ASPSCR1: variants seen among roughly 807,000 people sequenced by gnomAD.
ASPSCR1 encodes ASPSCR1 tether for SLC2A4, UBX domain containing.
ASPSCR1 carries 55 observed loss-of-function variants against 68.9 expected under a neutral mutation model. The observed-to-expected ratio is 0.80, with a 90% CI of 0.64 to 1.00. The LOEUF (loss-of-function observed/expected upper bound fraction) is 1.00. ASPSCR1 is among the 50% of genes least tolerant of loss of function. The pLI, the probability that ASPSCR1 is intolerant of heterozygous loss-of-function variation, is 0.00. For synonymous variants in ASPSCR1, 352 were observed against 332.6 expected, an observed-to-expected ratio of 1.06 and a Z score of -0.63; for missense variants, 765 against 762.2, an observed-to-expected ratio of 1.00 and a Z score of -0.04.
intron 9 of ASPSCR1, 96 bp downstream of exon 9, chr17:82,009,663 G>A (rs1157636574): frequency 4.3e-6 from 4 of 939,136 alleles, no homozygotes; most frequent in Non-Finnish European, 6.3e-6. Flanking sequence ...GCACAGCTCT[G>A]AGCGGGCCCC....
chr17:82,014,864 G>C (rs907868197), intron 12 of ASPSCR1: 6 of 639,060 alleles, frequency 9.4e-6, no homozygotes, highest in Non-Finnish European at 1.6e-5. Flanking sequence ...CGGCAGCTAG[G>C]GAGGGGCCGG....
intron 7 of ASPSCR1, among the ~76,000 whole-genome samples, chr17:82,000,853 A>G: frequency 6.6e-6 from 1 of 151,940 alleles, no homozygotes. Flanking sequence ...ACTGGCTGGG[A>G]GGCTGCCCTG....
At chr17:82,008,915 C>T (rs1348165405) in intron 7 of ASPSCR1, 122 bp from the exon 8 acceptor site, 6 of 1,336,122 alleles carry the variant, frequency 4.5e-6, no homozygotes, top group East Asian at 2.8e-5. Flanking sequence ...CTGGCCGGGG[C>T]CAGGGAGGGA....
chr17:81,998,371 C>T (rs2042424852), intron 7 of ASPSCR1, among the ~76,000 whole-genome samples: 1 of 152,136 alleles, frequency 6.6e-6, no homozygotes, highest in African/African-American at 2.4e-5. Context: ...TGGTTTCTGT[C>T]GGGGCCTCTG....
intron 5 of ASPSCR1, 43 bp from the exon 6 acceptor site, chr17:81,995,949 G>A (rs754072647): frequency 4.4e-6 from 7 of 1,588,702 alleles, no homozygotes. Context: ...GGGCTCTGGG[G>A]TCCCGGTGCA....
In ASPSCR1 at chr17:81,987,039, C is replaced by T. The variant is rs961252276; in HGVS notation, c.374+1432C>T. ...GAGCCTAAGAGCAAAGCCAAAGCCA[C>T]GGGCAGGGGTGAGCGGGACCCGAGG... On this transcript the variant is annotated intron_variant, in intron 4 of 15. Coordinates refer to ENST00000306739, the MANE Select transcript of ASPSCR1 (RefSeq NM_024083.4). This position sits in a 1 kb window ranked among gnomAD's most constrained non-coding sequence, Gnocchi z 5.6. Among the ~76,000 whole-genome samples the T allele has an allele frequency of 6.6e-5, 10 of 151,946 alleles. No homozygotes were observed. The highest frequency in any genetic ancestry group is 7.3e-5 in the African/African-American group (3 of 41,320).
At chr17:82,000,373 A>G (rs1348509453) in intron 7 of ASPSCR1, among the ~76,000 whole-genome samples, 2 of 152,088 alleles carry the variant, frequency 1.3e-5, no homozygotes, top group Non-Finnish European at 2.9e-5. Context: ...CCTGGCCTGC[A>G]TGGCGTGCTG....
Position 82,009,532 on chromosome 17 carries a change from G to A in ASPSCR1, c.1135G>A (p.Ala379Thr). The A allele has an allele frequency of 3.8e-6, 6 of 1,587,234 alleles. No homozygotes were observed. Among genetic ancestry groups the A allele is most frequent in the Non-Finnish European group, 5.1e-6 (6 of 1,166,998 alleles). The stretch of plus-strand genomic sequence containing the variant: ...CTTGGTGACCAAGGCCTTCAGGGAG[G>A]CGCAGATAAAGGAGAAGCTGGAGCG... ...APLVTKAFRE[A>T]QIKEKLERYP... Residue 379 changes from alanine (A) to threonine (T), a missense_variant, in exon 9 of 16, where the codon GCG becomes ACG. Physicochemically the swap from Ala to Thr is moderately conservative, Grantham distance 58. Transcript: ENST00000306739.
At position 82,017,085 on chromosome 17, in the gene ASPSCR1, CAAG is replaced by C. The variant is rs767189813; in HGVS notation, c.1621_1623del (p.Lys541del). On this transcript the variant is annotated inframe_deletion, in exon 15 of 16. Coordinates refer to ENST00000306739, the MANE Select transcript of ASPSCR1 (RefSeq NM_024083.4). ...CCCAGCCCGTGAAGAGGAGCCTGGG[CAAG>C]GTGCCCAAGTGGCTGAAGCTGCCGG... The C allele has an allele frequency of 7.5e-6, 12 of 1,603,376 alleles. No individual in the cohort carries two copies. Among genetic ancestry groups the C allele is most frequent in the Non-Finnish European group, 1.0e-5 (12 of 1,176,180 alleles).
At chr17:81,985,174 C>G (rs778459351) in intron 3 of ASPSCR1, among the ~76,000 whole-genome samples, 6 of 150,542 alleles carry the variant, frequency 4.0e-5, no homozygotes, top group Non-Finnish European at 8.9e-5. Context: ...CTGCACACAC[C>G]CACACACCAA....
intron 1 of ASPSCR1, chr17:81,978,594 C>G (rs1007921353): frequency 1.3e-5 from 2 of 152,666 alleles, no homozygotes; most frequent in East Asian, 3.9e-4. Flanking sequence ...CGAAGGTGCA[C>G]ACGACTCGGA....
chr17:82,012,444 G>C (rs561460429), intron 12 of ASPSCR1, among the ~76,000 whole-genome samples, 161 bp downstream of exon 12: 2 of 152,214 alleles, frequency 1.3e-5, no homozygotes, highest in Non-Finnish European at 2.9e-5. Flanking sequence ...GTGCGCCTCT[G>C]AAGTTGCTTC....
In ASPSCR1 at chr17:82,010,883, G is replaced by T; in HGVS notation, c.1237+15G>T. 1 of 1,609,994 alleles carries T rather than the reference G, an allele frequency of 6.2e-7. No individual in the cohort carries two copies. The highest frequency in any genetic ancestry group is 1.1e-5 in the South Asian group (1 of 91,046). ...CAGCGAGACAGGTGGGCAGCGCTGT[G>T]GGGTGTCCGGGGATGGGGGGCAGGG... is the stretch of plus-strand genomic sequence containing the variant. On this transcript the variant is annotated intron_variant, in intron 10 of 15. Transcript: ENST00000306739.
chr17:82,015,177 G>A (rs774319865), intron 12 of ASPSCR1: 3 of 1,598,310 alleles, frequency 1.9e-6, no homozygotes, highest in Non-Finnish European at 2.5e-6. Flanking sequence ...AGGAGATGGA[G>A]GCGACGTGGA....
At position 81,977,758 on chromosome 17, in the gene ASPSCR1, C is replaced by G. The variant is rs1480008071; in HGVS notation, c.102+10C>G. 2.4e-6 allele frequency: 3 copies of G among 1,225,910 alleles called. No homozygotes were observed. The highest frequency in any genetic ancestry group is 3.1e-6 in the Non-Finnish European group (3 of 982,864). 75.9% of individuals were successfully genotyped at this position (1,225,910 alleles called of 1,614,324 possible). A position where few individuals can be genotyped will look rare whatever the true frequency, so the allele number is the denominator to read the frequency against. The stretch of plus-strand genomic sequence containing the variant: ...CACCGTGCTGCTTCAGGTGCGGCCG[C>G]CCGCCCGGGGCGGACGGGTAGGCGG... On this transcript the variant is annotated intron_variant, in intron 1 of 15. Coordinates refer to ENST00000306739, the MANE Select transcript of ASPSCR1 (RefSeq NM_024083.4). This position sits in a 1 kb window ranked among gnomAD's most constrained non-coding sequence, Gnocchi z 5.0.
In ASPSCR1 at chr17:81,999,235, C is replaced by T. The variant is rs1057058292; in HGVS notation, c.933+2389C>T. On this transcript the variant is annotated intron_variant, in intron 7 of 15. Transcript: ENST00000306739. This position sits in a 1 kb window ranked among gnomAD's most constrained non-coding sequence, Gnocchi z 4.4. ...TGAGGGCCAGGCTGCCAGCTGCCAG[C>T]CACAGCCCAGGGGCCAGGTCAGAGC... Among the ~76,000 whole-genome samples, 1 of 152,222 alleles carries T rather than the reference C, an allele frequency of 6.6e-6. No homozygotes were observed. Among genetic ancestry groups the T allele is most frequent in the African/African-American group, 2.4e-5 (1 of 41,450 alleles).
intron 7 of ASPSCR1, among the ~76,000 whole-genome samples, chr17:81,997,769 G>A (rs1429545041): frequency 2.1e-5 from 3 of 145,264 alleles, no homozygotes; most frequent in Admixed American, 1.4e-4. Context: ...GATTACAGGC[G>A]TGAGCCACCG....
At chr17:81,995,953 C>G (rs755380107) in intron 5 of ASPSCR1, 39 bp from the exon 6 acceptor site, 4 of 1,592,138 alleles carry the variant, frequency 2.5e-6, no homozygotes, top group Non-Finnish European at 3.4e-6. Flanking sequence ...TCTGGGGTCC[C>G]GGTGCAAGGC....
intron 4 of ASPSCR1, among the ~76,000 whole-genome samples, chr17:81,993,699 C>T (rs954327398): frequency 6.6e-6 from 1 of 152,250 alleles, no homozygotes; most frequent in Non-Finnish European, 1.5e-5. Flanking sequence ...GCACCCTGCC[C>T]TCTGACCCTC....
Sources: gnomAD v4.1 joint callset for allele counts (sites outside exome capture counted in the v4.1 genomes callset) on GRCh38, gnomAD v4.1.1 for gene constraint, Gnocchi (gnomAD v3.1) non-coding constraint, MANE v1.5 for transcripts, NCBI Gene and HGNC (gene_info 2026-07-23, HGNC 2026-07-21) for gene names.